The following PTPRT variants were observed in gnomAD, a reference collection of about 807,000 sequenced individuals.
PTPRT encodes protein tyrosine phosphatase receptor type T.
A neutral mutation model predicts 176.8 loss-of-function variants in PTPRT; 56 were observed. That is an observed-to-expected ratio of 0.32 (90% CI 0.26 to 0.40). The LOEUF (loss-of-function observed/expected upper bound fraction) is 0.40, where lower values mean the gene tolerates loss of function less well. Ranked by LOEUF, PTPRT falls within the 10% of genes least tolerant of loss-of-function variation. The pLI, the probability that PTPRT is intolerant of heterozygous loss-of-function variation, is 1.00. For missense variants in PTPRT, 1,540 were observed against 1,908.2 expected (o/e 0.81, Z 3.60); for synonymous variants, 783 against 739.0 (o/e 1.06, Z -0.96).
At chr20:42,087,604 G>A (rs112517613) in intron 27 of PTPRT, among the ~76,000 whole-genome samples, 18,091 of 150,186 alleles carry the variant, frequency 0.12, 2,826 homozygotes, top group African/African-American at 0.37. Flanking sequence ...GGCTGGGTGC[G>A]GTGGCTTACG....
chr20:42,346,725 C>T (rs889560952), intron 11 of PTPRT, among the ~76,000 whole-genome samples: 1 of 152,136 alleles, frequency 6.6e-6, no homozygotes, highest in African/African-American at 2.4e-5. Flanking sequence ...AAAGCAGGGG[C>T]TAGAGTTTGG....
chr20:42,985,967 TGAACCACAG>T (rs1347474143), intron 1 of PTPRT, among the ~76,000 whole-genome samples: 3 of 152,188 alleles, frequency 2.0e-5, no homozygotes, highest in Non-Finnish European at 4.4e-5. Flanking sequence ...TTTATGACCG[TGAACCACAG>T]GAGCCTCAAA....
chr20:42,966,660 A>G lies in PTPRT; in HGVS notation c.89-80728T>C, dbSNP rs77109775. ...TCAAGAGCAATCACATGTGAACCAC[A>G]TCAAAATGGTGCTGCTTCCCCCGCA... On this transcript the variant is annotated intron_variant, in intron 1 of 30. Transcript: ENST00000373187. Among the ~76,000 whole-genome samples, 665 of 152,322 alleles carry G rather than the reference A, an allele frequency of 4.4e-3. 3 individuals carry two copies. The highest frequency in any genetic ancestry group is 0.015 in the African/African-American group (636 of 41,576).
chr20:43,146,842 A>T (rs1334810967), intron 1 of PTPRT, among the ~76,000 whole-genome samples: 1 of 152,190 alleles, frequency 6.6e-6, no homozygotes, highest in Non-Finnish European at 1.5e-5. Flanking sequence ...AGAAGGATTG[A>T]AATGGGACTC....
At chr20:42,571,302 T>G (rs1349674407) in intron 7 of PTPRT, among the ~76,000 whole-genome samples, 1 of 152,148 alleles carries the variant, frequency 6.6e-6, no homozygotes, top group Non-Finnish European at 1.5e-5. Flanking sequence ...GAAAGAAGGA[T>G]AGAGAAGAGG....
chr20:42,807,242 G>A (rs549135222), intron 2 of PTPRT, among the ~76,000 whole-genome samples: 2 of 152,274 alleles, frequency 1.3e-5, no homozygotes, highest in South Asian at 2.1e-4. Context: ...TTAGTGGCAC[G>A]GCATAGGTGG....
chr20:42,070,187 T>A (rs1982264897), downstream of PTPRT, among the ~76,000 whole-genome samples: 1 of 152,050 alleles, frequency 6.6e-6, no homozygotes, highest in Non-Finnish European at 1.5e-5. Context: ...GCCTTCTGCA[T>A]GGTATGTTGT....
At chr20:42,883,747 C>G (rs139073612) in intron 2 of PTPRT, among the ~76,000 whole-genome samples, 70 of 1,052 alleles carry the variant, frequency 0.067, 1 homozygote, top group Middle Eastern at 0.38. Flanking sequence ...CACTCTCACA[C>G]ATACCCATAC....
intron 13 of PTPRT, among the ~76,000 whole-genome samples, chr20:42,276,547 ATATATAT>A: frequency 1.4e-5 from 1 of 73,834 alleles, no homozygotes; most frequent in East Asian, 4.2e-4. Context: ...ATATATATAT[ATATATAT>A]ATATAATGTT....
chr20:43,029,151 A>T (rs959716065), intron 1 of PTPRT, among the ~76,000 whole-genome samples: 29 of 152,114 alleles, frequency 1.9e-4, no homozygotes, highest in African/African-American at 6.5e-4. Flanking sequence ...AATTTATTCC[A>T]CCTTGTGAAT....
At chr20:42,383,452 C>T (rs758136862) in intron 9 of PTPRT, among the ~76,000 whole-genome samples, 4 of 151,836 alleles carry the variant, frequency 2.6e-5, no homozygotes, top group Non-Finnish European at 5.9e-5. Flanking sequence ...AATGGACCAA[C>T]CTGGCTGATA....
chr20:42,784,916 G>A (rs754119520), intron 3 of PTPRT, among the ~76,000 whole-genome samples: 5 of 152,076 alleles, frequency 3.3e-5, no homozygotes, highest in African/African-American at 9.7e-5. Context: ...TGAAGTACAC[G>A]TGACTTAACA....
At chr20:42,579,464 G>C (rs1027691084) in intron 7 of PTPRT, among the ~76,000 whole-genome samples, 3 of 152,114 alleles carry the variant, frequency 2.0e-5, no homozygotes, top group African/African-American at 4.8e-5. Context: ...TCCAGTTCTA[G>C]ATCCCTGAGG....
At chr20:42,356,576 A>G (rs192135034) in intron 9 of PTPRT, among the ~76,000 whole-genome samples, 6 of 152,144 alleles carry the variant, frequency 3.9e-5, no homozygotes, top group African/African-American at 1.2e-4. Context: ...CATGCCTGTA[A>G]CCCCAGCTAC....
At chr20:42,322,866 A>T (rs555593010) in intron 11 of PTPRT, among the ~76,000 whole-genome samples, 9 of 152,282 alleles carry the variant, frequency 5.9e-5, no homozygotes, top group Middle Eastern at 3.4e-3. Flanking sequence ...CTCATCTGAC[A>T]AAGGGCTAAT....
intron 1 of PTPRT, among the ~76,000 whole-genome samples, chr20:43,013,212 ATC>A (rs1378323762): frequency 1.3e-5 from 2 of 152,018 alleles, no homozygotes; most frequent in Non-Finnish European, 1.5e-5. Context: ...AAGTGAGTTC[ATC>A]TCCTCTGAAC....
chr20:42,693,840 C>A (rs1024461298), intron 6 of PTPRT, among the ~76,000 whole-genome samples: 6 of 152,178 alleles, frequency 3.9e-5, no homozygotes, highest in African/African-American at 1.4e-4. Flanking sequence ...GGGTTTCTCA[C>A]GCTACTCCTT....
intron 11 of PTPRT, among the ~76,000 whole-genome samples, chr20:42,343,615 A>G (rs1022598763): frequency 1.3e-5 from 2 of 152,208 alleles, no homozygotes; most frequent in African/African-American, 4.8e-5. Context: ...AAAGGTGCTC[A>G]TATCTGACCA....
intron 1 of PTPRT, among the ~76,000 whole-genome samples, chr20:43,081,701 G>C (rs2011448410): frequency 6.6e-6 from 1 of 152,100 alleles, no homozygotes; most frequent in Admixed American, 6.6e-5. Flanking sequence ...CTGACTTTCT[G>C]ACCTAGAATA....
Sources: gnomAD v4.1 joint callset for allele counts (sites outside exome capture counted in the v4.1 genomes callset) on GRCh38, gnomAD v4.1.1 for gene constraint, MANE v1.5 for transcripts, NCBI Gene and HGNC (gene_info 2026-07-23, HGNC 2026-07-21) for gene names.